SSH2: variants seen among roughly 807,000 people sequenced by gnomAD.
SSH2 encodes slingshot protein phosphatase 2, also known as protein phosphatase Slingshot homolog 2.
A neutral mutation model predicts 135.2 loss-of-function variants in SSH2; 37 were observed. That is an observed-to-expected ratio of 0.27 (90% confidence interval 0.21 to 0.36). The LOEUF is 0.36. Among genes scored for constraint, SSH2 ranks in the 10% least tolerant of loss-of-function variants. The pLI is 1.00. For synonymous variants in SSH2, 628 were observed against 646.2 expected (o/e 0.97, Z 0.43); for missense variants, 1,408 against 1,765.3 (o/e 0.80, Z 3.63).
Position 29,731,417 on chromosome 17 carries a change from T to TTTTA in SSH2, c.189-28359_189-28356dup, listed in dbSNP as rs142032070. Among the ~76,000 whole-genome samples, 515 of 119,718 alleles carry TTTTA rather than the reference T, an allele frequency of 4.3e-3. 7 individuals are homozygous for TTTTA. The highest frequency in any genetic ancestry group is 0.015 in the Admixed American group (180 of 11,746). The allele number at this position is 119,718 out of a possible 152,430, so 78.5% of individuals were successfully genotyped here. A position where few individuals can be genotyped will look rare whatever the true frequency, so the allele number is the denominator to read the frequency against. Reference sequence around the variant, plus strand: ...CTAGGTTTTTCATAGCAGAAGTATTTTTTATTTATTTATTTATTTATTTAT... The same window carrying TTTTA: ...CTAGGTTTTTCATAGCAGAAGTATTTTTTATTTATTTATTTATTTATTTATTTAT... On this transcript the variant is annotated intron_variant, in intron 3 of 15. Transcript: ENST00000540801.
intron 3 of SSH2, among the ~76,000 whole-genome samples, chr17:29,757,233 C>T (rs1210301902): frequency 6.6e-6 from 1 of 152,182 alleles, no homozygotes; most frequent in Non-Finnish European, 1.5e-5. Context: ...TTAGAAATAA[C>T]ACTTCCCTTT....
chr17:29,760,265 T>C (rs1454952443), intron 3 of SSH2, among the ~76,000 whole-genome samples: 1 of 152,208 alleles, frequency 6.6e-6, no homozygotes, highest in Non-Finnish European at 1.5e-5. Flanking sequence ...GTAGCTTTGC[T>C]TAAGTGCAAA....
At chr17:29,663,734 T>C (rs191768629) in intron 11 of SSH2, among the ~76,000 whole-genome samples, 6 of 152,356 alleles carry the variant, frequency 3.9e-5, no homozygotes, top group Non-Finnish European at 7.4e-5. Context: ...TAAAAACTTC[T>C]ATGTGATACT....
At position 29,671,964 on chromosome 17, in the gene SSH2, C is replaced by A. The variant is rs897536616; in HGVS notation, c.780G>T (p.Arg260=). 1.2e-6 allele frequency: 2 copies of A among 1,613,716 alleles called. No individual in the cohort carries two copies. Among genetic ancestry groups the A allele is most frequent in the Admixed American group, 3.3e-5 (2 of 59,992 alleles). Residue 260 remains arginine, a synonymous_variant, in exon 9 of 16, where the codon CGG becomes CGT. Transcript: ENST00000540801. ...WNAMQDVQSH[R]PDSPALFTDI... Reference sequence around the variant, plus strand: ...CGGTGAAGAGAGCTGGAGAGTCGGGCCGGTGGGACTGTACATCTTGCATTG... The same window carrying A: ...CGGTGAAGAGAGCTGGAGAGTCGGGACGGTGGGACTGTACATCTTGCATTG...
At chr17:29,747,362 T>C (rs1333426867) in intron 3 of SSH2, among the ~76,000 whole-genome samples, 2 of 152,194 alleles carry the variant, frequency 1.3e-5, no homozygotes, top group African/African-American at 4.8e-5. Flanking sequence ...CTTTACCAAG[T>C]GTAACTAAGC....
chr17:29,673,468 G>C (rs140564195), intron 8 of SSH2, among the ~76,000 whole-genome samples: 2,118 of 152,132 alleles, frequency 0.014, 44 homozygotes, highest in African/African-American at 0.046. Flanking sequence ...TACTCGGGAG[G>C]CTGAGGAGGG....
At chr17:29,642,646 T>G (rs1256296668) in intron 14 of SSH2, among the ~76,000 whole-genome samples, 1 of 151,524 alleles carries the variant, frequency 6.6e-6, no homozygotes, top group African/African-American at 2.4e-5. Flanking sequence ...ATAAATGCTA[T>G]AAGTAGCTTT....
At chr17:29,804,066 T>C (rs1332978499) in intron 2 of SSH2, among the ~76,000 whole-genome samples, 1 of 152,186 alleles carries the variant, frequency 6.6e-6, no homozygotes, top group Non-Finnish European at 1.5e-5. Context: ...GATCAAGATA[T>C]ATAGTATTGG....
intron 3 of SSH2, among the ~76,000 whole-genome samples, chr17:29,732,435 T>C (rs1212107778): frequency 6.6e-6 from 1 of 152,242 alleles, no homozygotes; most frequent in Non-Finnish European, 1.5e-5. Flanking sequence ...AATTAACTTC[T>C]GGCTTCTTTC....
At chr17:29,656,203 G>C in intron 11 of SSH2, among the ~76,000 whole-genome samples, 1 of 152,066 alleles carries the variant, frequency 6.6e-6, no homozygotes, top group East Asian at 1.9e-4. Context: ...CTGAGACAGC[G>C]TCTTGCTCCA....
intron 1 of SSH2, chr17:29,928,662 T>C: frequency 2.5e-6 from 1 of 397,798 alleles, no homozygotes; most frequent in Middle Eastern, 6.3e-4. Context: ...TCACACAAAA[T>C]GCAATTAAAG....
chr17:29,773,577 C>T (rs2041633026), intron 3 of SSH2, among the ~76,000 whole-genome samples: 1 of 152,154 alleles, frequency 6.6e-6, no homozygotes, highest in African/African-American at 2.4e-5. Flanking sequence ...AAGATTTCTC[C>T]ATCAGATGGT....
intron 3 of SSH2, among the ~76,000 whole-genome samples, chr17:29,725,718 GAAGGGA>G (rs1461689849): frequency 2.0e-5 from 3 of 152,182 alleles, no homozygotes; most frequent in Non-Finnish European, 2.9e-5. Context: ...TGGACACAGG[GAAGGGA>G]ACATCACACA....
chr17:29,847,388 G>A (rs536258262), intron 2 of SSH2, among the ~76,000 whole-genome samples: 1 of 152,220 alleles, frequency 6.6e-6, no homozygotes, highest in East Asian at 1.9e-4. Flanking sequence ...CAGAGACCAG[G>A]GCCTCTCACA....
chr17:29,642,276 G>C (rs775800497), intron 14 of SSH2, among the ~76,000 whole-genome samples: 86 of 152,056 alleles, frequency 5.7e-4, no homozygotes, highest in Admixed American at 1.2e-3. Flanking sequence ...AGACAACCCT[G>C]CCTCCTCTGG....
chr17:29,738,550 A>ATTTTC (rs1567933036), intron 3 of SSH2, among the ~76,000 whole-genome samples: 2 of 137,370 alleles, frequency 1.5e-5, no homozygotes, highest in Non-Finnish European at 1.6e-5. Flanking sequence ...TTTCTTTTTT[A>ATTTTC]TTTTATTTTA....
chr17:29,672,727 A>G (rs764158223), intron 8 of SSH2, among the ~76,000 whole-genome samples: 12 of 152,148 alleles, frequency 7.9e-5, no homozygotes, highest in Non-Finnish European at 1.6e-4. Flanking sequence ...TTGTTGAGAC[A>G]GTGACTCACT....
At chr17:29,652,091 G>C (rs184649146) in intron 12 of SSH2, among the ~76,000 whole-genome samples, 1 of 152,050 alleles carries the variant, frequency 6.6e-6, no homozygotes, top group Non-Finnish European at 1.5e-5. Flanking sequence ...GCAGTGAGTC[G>C]AGATTGCGCC....
At chr17:29,829,742 A>C (rs759257811) in intron 2 of SSH2, among the ~76,000 whole-genome samples, 4 of 152,132 alleles carry the variant, frequency 2.6e-5, no homozygotes, top group Non-Finnish European at 5.9e-5. Context: ...CTCCATAGCA[A>C]AGACAGGCAA....
Sources: allele counts gnomAD v4.1 joint callset (sites outside exome capture counted in the v4.1 genomes callset), GRCh38; gene constraint gnomAD v4.1.1; transcripts MANE v1.5; gene names NCBI Gene and HGNC (gene_info 2026-07-23, HGNC 2026-07-21).